The following VWC2L variants were observed in gnomAD, a reference collection of about 807,000 sequenced individuals.
The protein encoded by VWC2L is von Willebrand factor C domain-containing protein 2-like.
In VWC2L, 10 loss-of-function variants were observed where a neutral mutation model predicts 21.6. That is an observed-to-expected ratio of 0.46 (90% CI 0.29 to 0.78). The LOEUF (loss-of-function observed/expected upper bound fraction) is 0.78. Ranked by LOEUF, VWC2L falls within the 30% of genes least tolerant of loss-of-function variation. VWC2L has a pLI of 0.10. For synonymous variants in VWC2L, 96 were observed against 94.3 expected (o/e 1.02, Z -0.10); for missense variants, 209 against 277.1 (o/e 0.75, Z 1.74).
chr2:214,570,078 A>G (rs909529923), intron 3 of VWC2L, among the ~76,000 whole-genome samples: 4 of 152,140 alleles, frequency 2.6e-5, no homozygotes, highest in Non-Finnish European at 4.4e-5. Flanking sequence ...AAACTGGAAA[A>G]GATCATTTTA....
intron 3 of VWC2L, among the ~76,000 whole-genome samples, chr2:214,440,170 G>C (rs943338678): frequency 1.3e-5 from 2 of 151,884 alleles, no homozygotes; most frequent in East Asian, 3.9e-4. Flanking sequence ...GATTTAGCCT[G>C]AATAAAATAA....
At chr2:214,477,653 T>G (rs2126195563) in intron 3 of VWC2L, among the ~76,000 whole-genome samples, 1 of 152,344 alleles carries the variant, frequency 6.6e-6, no homozygotes, top group East Asian at 1.9e-4. Context: ...CACAATAGAC[T>G]TAAAATATTA....
At chr2:214,506,405 T>C (rs1574603647) in intron 3 of VWC2L, among the ~76,000 whole-genome samples, 1 of 152,308 alleles carries the variant, frequency 6.6e-6, no homozygotes, top group East Asian at 1.9e-4. Context: ...AATTGAGATT[T>C]GTATTTCTCC....
At chr2:214,528,267 C>A (rs1421491334) in intron 3 of VWC2L, among the ~76,000 whole-genome samples, 2 of 152,150 alleles carry the variant, frequency 1.3e-5, no homozygotes, top group Non-Finnish European at 2.9e-5. Context: ...TGAATCCCTG[C>A]TATGATGTTC....
At chr2:214,528,332 C>G (rs1689376205) in intron 3 of VWC2L, among the ~76,000 whole-genome samples, 1 of 152,130 alleles carries the variant, frequency 6.6e-6, no homozygotes, top group South Asian at 2.1e-4. Flanking sequence ...TGAGGTAACA[C>G]TTTCTTGTTT....
intron 3 of VWC2L, among the ~76,000 whole-genome samples, chr2:214,510,953 T>G (rs1414112724): frequency 6.6e-6 from 1 of 152,172 alleles, no homozygotes; most frequent in African/African-American, 2.4e-5. Flanking sequence ...TTACAATGAA[T>G]GTATCCACCA....
Position 214,411,184 on chromosome 2 carries a change from C to T in VWC2L, c.-683C>T, listed in dbSNP as rs930048250. On this transcript the variant is annotated 5_prime_UTR_variant, in exon 1 of 4. Coordinates refer to ENST00000312504, the MANE Select transcript of VWC2L (RefSeq NM_001080500.4). ...CTCCAAATCAGCAATCTGCAAACTG[C>T]TCTTACTGATGCAGAAACCCAGCTA... 31 of 152,262 alleles carry T rather than the reference C, an allele frequency of 2.0e-4. No individual in the cohort carries two copies. The highest frequency in any genetic ancestry group is 7.5e-4 in the African/African-American group (31 of 41,452). The allele number at this position is 152,262 out of a possible 1,614,324, so 9.4% of individuals were successfully genotyped here. A position where few individuals can be genotyped will look rare whatever the true frequency, so the allele number is the denominator to read the frequency against.
intron 2 of VWC2L, among the ~76,000 whole-genome samples, chr2:214,421,930 C>G (rs571526126): frequency 1.1e-5 from 1 of 90,512 alleles, no homozygotes; most frequent in South Asian, 3.4e-4. Flanking sequence ...TTCGCTCTGT[C>G]GCCCAGGCTG....
intron 3 of VWC2L, among the ~76,000 whole-genome samples, chr2:214,489,756 C>T (rs898782962): frequency 6.6e-6 from 1 of 152,162 alleles, no homozygotes; most frequent in Non-Finnish European, 1.5e-5. Context: ...AGGCTTAATA[C>T]CAGAAGAATT....
intron 3 of VWC2L, among the ~76,000 whole-genome samples, chr2:214,478,170 C>G (rs553527052): frequency 1.5e-4 from 23 of 152,302 alleles, no homozygotes; most frequent in Non-Finnish European, 2.9e-4. Context: ...GGTCTTATTC[C>G]TTTAATTTCA....
At chr2:214,477,521 A>G (rs911395315) in intron 3 of VWC2L, among the ~76,000 whole-genome samples, 3 of 152,220 alleles carry the variant, frequency 2.0e-5, no homozygotes, top group Non-Finnish European at 4.4e-5. Flanking sequence ...GCCTAATTTC[A>G]TCACCATCCC....
chr2:214,502,376 C>T (rs1433532550), intron 3 of VWC2L, among the ~76,000 whole-genome samples: 1 of 152,078 alleles, frequency 6.6e-6, no homozygotes, highest in East Asian at 1.9e-4. Context: ...TCAAGACCAG[C>T]CTAGCCAATA....
intron 3 of VWC2L, among the ~76,000 whole-genome samples, chr2:214,530,748 C>G (rs1330560795): frequency 6.6e-6 from 1 of 152,114 alleles, no homozygotes; most frequent in Non-Finnish European, 1.5e-5. Context: ...CTGCTTTCAG[C>G]CCATGGCGAG....
chr2:214,458,522 G>A (rs1370682301), intron 3 of VWC2L, among the ~76,000 whole-genome samples: 1 of 151,816 alleles, frequency 6.6e-6, no homozygotes, highest in African/African-American at 2.4e-5. Flanking sequence ...GGCATCATTA[G>A]GTTGTTTATT....
At chr2:214,444,039 T>C (rs1343094424) in intron 3 of VWC2L, among the ~76,000 whole-genome samples, 1 of 152,070 alleles carries the variant, frequency 6.6e-6, no homozygotes, top group African/African-American at 2.4e-5. Flanking sequence ...TATACATATA[T>C]AAAATAACAC....
chr2:214,427,843 G>A (rs1323559518), intron 2 of VWC2L, among the ~76,000 whole-genome samples: 1 of 152,052 alleles, frequency 6.6e-6, no homozygotes, highest in African/African-American at 2.4e-5. Flanking sequence ...TCATTATACT[G>A]TATTGTTTAG....
intron 3 of VWC2L, among the ~76,000 whole-genome samples, chr2:214,471,386 A>G (rs972527135): frequency 6.6e-6 from 1 of 152,244 alleles, no homozygotes; most frequent in Admixed American, 6.5e-5. Context: ...GATAAAGTAC[A>G]ACTGTTTTAT....
chr2:214,491,765 C>T (rs1467885172), intron 3 of VWC2L, among the ~76,000 whole-genome samples: 1 of 152,102 alleles, frequency 6.6e-6, no homozygotes, highest in Admixed American at 6.6e-5. Context: ...GCTGTATCAC[C>T]TTGGTCAAGT....
rs567456277 is a variant in VWC2L at position 214,573,595 on chromosome 2, A to G, written c.521-2077A>G. Among the ~76,000 whole-genome samples the G allele has an allele frequency of 1.6e-4, 25 of 152,236 alleles. No individual in the cohort carries two copies. The South Asian group carries it at 4.6e-3, about 28-fold the overall frequency. On this transcript the variant is annotated intron_variant, in intron 3 of 3. Coordinates refer to ENST00000312504, the MANE Select transcript of VWC2L (RefSeq NM_001080500.4). ...TTGGCCTAGAACTGGCTGGGCTGAG[A>G]GAGGTCTGTCAACAACGGCCCCAGG...
Sources: allele counts gnomAD v4.1 joint callset (sites outside exome capture counted in the v4.1 genomes callset), GRCh38; gene constraint gnomAD v4.1.1; transcripts MANE v1.5; gene names NCBI Gene and HGNC (gene_info 2026-07-23, HGNC 2026-07-21).